SEZ6: variants seen among roughly 807,000 people sequenced by gnomAD.
SEZ6 encodes seizure protein 6 homolog.
A neutral mutation model predicts 101.0 loss-of-function variants in SEZ6; 53 were observed. The ratio of observed to expected loss-of-function variants is 0.52; its 90% CI spans 0.42 to 0.66. SEZ6 has a LOEUF of 0.66. Among genes scored for constraint, SEZ6 ranks in the 30% least tolerant of loss-of-function variants. The pLI, the probability that SEZ6 is intolerant of heterozygous loss-of-function variation, is 0.00. For synonymous variants in SEZ6, 488 were observed against 512.2 expected (o/e 0.95, Z 0.64); for missense variants, 1,102 against 1,289.4 (o/e 0.85, Z 2.23).
rs1454450094 is a variant in SEZ6, at chr17:28,956,370, A to G, written c.2829T>C (p.Gly943=). 7.6e-6 allele frequency: 12 copies of G among 1,571,896 alleles called. No homozygotes were observed. The highest frequency in any genetic ancestry group is 2.7e-5 in the African/African-American group (2 of 73,942). Residue 943 remains glycine, a synonymous_variant, in exon 15 of 17, where the codon GGT becomes GGC. Coordinates refer to ENST00000317338, the MANE Select transcript of SEZ6 (RefSeq NM_178860.5). ...PLVAMVLLVG[G]VYFYFSRLQG... ...CTCACCTGGAGAAGTAGAAGTATAC[A>G]CCTCCTACCAACAACACCATCGCCA...
intron 1 of SEZ6, among the ~76,000 whole-genome samples, chr17:28,992,694 T>A (rs1035181738): frequency 1.3e-5 from 2 of 152,154 alleles, no homozygotes; most frequent in African/African-American, 4.8e-5. Context: ...AGGGAGAGAC[T>A]AGTTGGGGCT....
In SEZ6 at chr17:28,981,390, G is replaced by C; in HGVS notation, c.705C>G (p.Ile235Met). The C allele has an allele frequency of 6.4e-7, 1 of 1,551,488 alleles. No individual in the cohort carries two copies. The highest frequency in any genetic ancestry group is 1.2e-5 in the South Asian group (1 of 84,064). ...TTTTTIITTT[I>M]TTVQTPGPCS... ...GCTGACCTGGTGTCTGGACTGTGGTGATGGTGGTGGTGATGATGGTGGTGG... is the reference window on the plus strand; with the variant it reads ...GCTGACCTGGTGTCTGGACTGTGGTCATGGTGGTGGTGATGATGGTGGTGG... Residue 235 changes from isoleucine to methionine, a missense_variant, in exon 2 of 17, where the codon ATC becomes ATG. Coordinates refer to ENST00000317338, the MANE Select transcript of SEZ6 (RefSeq NM_178860.5).
intron 1 of SEZ6, among the ~76,000 whole-genome samples, chr17:28,998,955 A>G (rs748863242): frequency 1.2e-4 from 18 of 152,194 alleles, no homozygotes; most frequent in Middle Eastern, 3.2e-3. Flanking sequence ...TTCTATTAAA[A>G]TCTAACTGGA....
intron 1 of SEZ6, among the ~76,000 whole-genome samples, chr17:28,984,680 C>T (rs2152690141): frequency 6.6e-6 from 1 of 152,304 alleles, no homozygotes; most frequent in African/African-American, 2.4e-5. Context: ...CAGCGGGTGC[C>T]ACCCACTGTC....
Position 28,959,258 on chromosome 17 carries a change from G to C in SEZ6, c.1911-37C>G, listed in dbSNP as rs1341420759. ...GAGCGTCAGGGCAGAGCCGGCCTGGGGGCCCGAGGATGGGCTGGACAAGGG... is the reference window on the plus strand; with the variant it reads ...GAGCGTCAGGGCAGAGCCGGCCTGGCGGCCCGAGGATGGGCTGGACAAGGG... On this transcript the variant is annotated intron_variant, in intron 9 of 16. Transcript: ENST00000317338. This position sits in a 1 kb window ranked among gnomAD's most constrained non-coding sequence, Gnocchi z 4.4. 6.2e-7 allele frequency: 1 copy of C among 1,612,608 alleles called. No homozygotes were observed. Among genetic ancestry groups the C allele is most frequent in the Non-Finnish European group, 8.5e-7 (1 of 1,179,128 alleles).
chr17:28,999,561 C>A (rs2041587732), intron 1 of SEZ6, among the ~76,000 whole-genome samples: 2 of 152,170 alleles, frequency 1.3e-5, no homozygotes, highest in African/African-American at 4.8e-5. Context: ...TGCTCCGGAG[C>A]CCGCAGAGAA....
At chr17:28,970,178 A>G (rs1200603708) in intron 3 of SEZ6, among the ~76,000 whole-genome samples, 3 of 152,312 alleles carry the variant, frequency 2.0e-5, no homozygotes, top group East Asian at 3.9e-4. Flanking sequence ...ATCCAAGGTC[A>G]CATAGAGATT....
chr17:28,986,993 G>A (rs1269684018), intron 1 of SEZ6, among the ~76,000 whole-genome samples: 1 of 152,184 alleles, frequency 6.6e-6, no homozygotes, highest in African/African-American at 2.4e-5. Context: ...GTTCTGGGAC[G>A]AGTTCAGGCC....
chr17:29,000,973 G>A (rs901887132), intron 1 of SEZ6, among the ~76,000 whole-genome samples: 1 of 152,130 alleles, frequency 6.6e-6, no homozygotes, highest in Non-Finnish European at 1.5e-5. Context: ...GGCACTAAGG[G>A]GTGACTGGGG....
At chr17:28,999,005 C>T (rs2041579827) in intron 1 of SEZ6, among the ~76,000 whole-genome samples, 1 of 152,170 alleles carries the variant, frequency 6.6e-6, no homozygotes, top group South Asian at 2.1e-4. Context: ...GGCAGCTCTC[C>T]TCTAAACTGA....
chr17:29,002,941 C>T (rs1466013385), intron 1 of SEZ6, among the ~76,000 whole-genome samples: 2 of 152,104 alleles, frequency 1.3e-5, no homozygotes, highest in Non-Finnish European at 2.9e-5. Flanking sequence ...CCCAGACTAG[C>T]CATCCCCAGG....
intron 7 of SEZ6, 134 bp from the exon 8 acceptor site, chr17:28,960,026 G>T: frequency 2.0e-6 from 2 of 998,028 alleles, no homozygotes; most frequent in South Asian, 1.7e-5. Context: ...TGGGGTTGGA[G>T]CAGGAATGTG....
chr17:28,999,321 C>T (rs760746268), intron 1 of SEZ6, among the ~76,000 whole-genome samples: 1 of 152,094 alleles, frequency 6.6e-6, no homozygotes, highest in Non-Finnish European at 1.5e-5. Flanking sequence ...ACCCTAGCAT[C>T]CTCATGGCAT....
intron 3 of SEZ6, 105 bp from the exon 4 acceptor site, chr17:28,970,057 A>C: frequency 1.9e-6 from 2 of 1,057,580 alleles, no homozygotes; most frequent in Non-Finnish European, 2.6e-6. Context: ...ATCAATCCTC[A>C]ATGCTACTTG....
chr17:28,964,506 G>A lies in SEZ6; in HGVS notation c.1055-359C>T, dbSNP rs142444439. The stretch of plus-strand genomic sequence containing the variant: ...GGTTACTGTGAGAAGAAATGATAGA[G>A]TATTTTATCTAGCTTGGTATCTCTG... On this transcript the variant is annotated intron_variant, in intron 4 of 16. Transcript: ENST00000317338. Among the ~76,000 whole-genome samples, 298 of 152,270 alleles carry A rather than the reference G, an allele frequency of 2.0e-3. 1 individual carries two copies. The highest frequency in any genetic ancestry group is 6.9e-3 in the African/African-American group (286 of 41,542).
At chr17:28,980,463 G>A (rs1025370420) in intron 2 of SEZ6, among the ~76,000 whole-genome samples, 2 of 151,068 alleles carry the variant, frequency 1.3e-5, no homozygotes, top group South Asian at 2.1e-4. Context: ...TCTGACTCCC[G>A]GGTTCACGCC....
At chr17:28,972,764 A>G (rs1158657272) in intron 3 of SEZ6, among the ~76,000 whole-genome samples, 1 of 152,222 alleles carries the variant, frequency 6.6e-6, no homozygotes, top group Non-Finnish European at 1.5e-5. Context: ...GATGCCAGGC[A>G]GCATATAATT....
rs775121039 is a variant in SEZ6 at position 28,963,948 on chromosome 17, C to G, written c.1240+14G>C. 3.2e-6 allele frequency: 5 copies of G among 1,540,294 alleles called. No individual in the cohort carries two copies. Among genetic ancestry groups the G allele is most frequent in the African/African-American group, 2.4e-5 (1 of 40,920 alleles). On this transcript the variant is annotated intron_variant, in intron 5 of 16. Transcript: ENST00000317338. ...TCTCTGCTCAGCACTGAGCCCTTTC[C>G]CCTGGGCACTCACCGATGCAGACGG... is the stretch of plus-strand genomic sequence containing the variant.
In SEZ6 at chr17:28,981,753, G is replaced by C; in HGVS notation, c.342C>G (p.Asp114Glu). ...TGGGGCTGGTAAAGACAGGGCGGCT[G>C]TCCTGGTTGGCCAGGCGGGGAAGGG... ...PSPLPRLANQ[D>E]SRPVFTSPTP... The change falls in exon 2 of 17, where the codon GAC becomes GAG. Residue 114 changes from aspartate to glutamate, a missense_variant. Physicochemically the swap from Asp to Glu is conservative, Grantham distance 45. Coordinates refer to ENST00000317338, the MANE Select transcript of SEZ6 (RefSeq NM_178860.5). 1.2e-6 allele frequency: 2 copies of C among 1,611,082 alleles called. No individual in the cohort carries two copies. Among genetic ancestry groups the C allele is most frequent in the South Asian group, 1.1e-5 (1 of 90,976 alleles).
Sources: allele counts gnomAD v4.1 joint callset (sites outside exome capture counted in the v4.1 genomes callset), GRCh38; gene constraint gnomAD v4.1.1; non-coding constraint Gnocchi (gnomAD v3.1); transcripts MANE v1.5; gene names NCBI Gene and HGNC (gene_info 2026-07-23, HGNC 2026-07-21).